PTPRR: variants seen among roughly 807,000 people sequenced by gnomAD.
PTPRR encodes the protein protein tyrosine phosphatase receptor type R.
In PTPRR, 38 loss-of-function variants were observed where a neutral mutation model predicts 77.2. That is an observed-to-expected ratio of 0.49 (90% CI 0.38 to 0.65). The LOEUF is 0.65. Among genes scored for constraint, PTPRR ranks in the 30% least tolerant of loss-of-function variants. The pLI is 0.00. For synonymous variants in PTPRR, 299 were observed against 283.1 expected (o/e 1.06, Z -0.57); for missense variants, 744 against 799.2 (o/e 0.93, Z 0.83).
rs200846851 is a variant in PTPRR, at chr12:70,684,740, A to C, written c.1323T>G (p.Asp441Glu). 1 of 1,607,802 alleles carries C rather than the reference A, an allele frequency of 6.2e-7. No homozygotes were observed. Among genetic ancestry groups the C allele is most frequent in the Non-Finnish European group, 8.5e-7 (1 of 1,175,712 alleles). Residue 441 changes from aspartate (D) to glutamate (E), a missense_variant, in exon 9 of 14, where the codon GAT becomes GAG. This residue lies in a region of PTPRR where 570 missense variants were observed against 573.2 expected (regional missense o/e 0.99). Transcript: ENST00000283228. ...RVCLRPKNVT[D>E]SLSTYINANY... Reference sequence around the variant, plus strand: ...TAGCATTAATGTAGGTGCTCAATGAATCGGTTACATTTTTTGGTCTTAAAC... The same window carrying C: ...TAGCATTAATGTAGGTGCTCAATGACTCGGTTACATTTTTTGGTCTTAAAC...
chr12:70,811,054 G>A (rs565006411), intron 2 of PTPRR, among the ~76,000 whole-genome samples: 18 of 152,156 alleles, frequency 1.2e-4, no homozygotes, highest in East Asian at 1.2e-3. Context: ...AGTGAGGACC[G>A]TAGGATGTAG....
Position 70,799,393 on chromosome 12 carries a change from C to A in PTPRR, c.358-34615G>T, listed in dbSNP as rs144016755. Reference sequence around the variant, plus strand: ...AAATTTTCAATTGAGCTCCCAGAATCGCATGTTTATTTCCTCTAAAATAAA... The same window carrying A: ...AAATTTTCAATTGAGCTCCCAGAATAGCATGTTTATTTCCTCTAAAATAAA... On this transcript the variant is annotated intron_variant, in intron 2 of 13. Coordinates refer to ENST00000283228, the MANE Select transcript of PTPRR (RefSeq NM_002849.4). Among the ~76,000 whole-genome samples, 468 of 152,248 alleles carry A rather than the reference C, an allele frequency of 3.1e-3. 4 individuals carry two copies. The highest frequency in any genetic ancestry group is 0.011 in the African/African-American group (452 of 41,542).
chr12:70,731,621 G>T (rs563349924), intron 6 of PTPRR, among the ~76,000 whole-genome samples: 1 of 152,274 alleles, frequency 6.6e-6, no homozygotes, highest in South Asian at 2.1e-4. Context: ...GGCCACATAG[G>T]GTGGTTGGAT....
intron 6 of PTPRR, among the ~76,000 whole-genome samples, chr12:70,728,302 C>T (rs1889521067): frequency 1.5e-5 from 2 of 134,542 alleles, no homozygotes. Flanking sequence ...TCTGATCTCT[C>T]TCTCTCTCTC....
Position 70,726,011 on chromosome 12 carries a change from A to T in PTPRR, c.1007+19807T>A, listed in dbSNP as rs1889421914. ...CTTATAATGTACACATCATAGATAG[A>T]TGATGATCACAAGTGATATTTTTCA... is the stretch of plus-strand genomic sequence containing the variant. On this transcript the variant is annotated intron_variant, in intron 6 of 13. Transcript: ENST00000283228. Among the ~76,000 whole-genome samples the T allele has an allele frequency of 4.6e-5, 7 of 152,208 alleles. No homozygotes were observed. The South Asian group carries it at 1.5e-3, about 32-fold the overall frequency.
In PTPRR at chr12:70,835,463, A is replaced by C. The variant is rs554261093; in HGVS notation, c.357+57216T>G. ...TTAATAACTGATGGTGACTGAGCAG[A>C]GAGATATGGCCTGAATACCTATTAA... On this transcript the variant is annotated intron_variant, in intron 2 of 13. Transcript: ENST00000283228. Among the ~76,000 whole-genome samples the C allele has an allele frequency of 1.1e-4, 17 of 152,250 alleles. 1 individual carries two copies. The South Asian group carries it at 3.5e-3, about 32-fold the overall frequency.
chr12:70,910,345 G>T (rs1043714817), intron 1 of PTPRR, among the ~76,000 whole-genome samples: 1 of 152,114 alleles, frequency 6.6e-6, no homozygotes, highest in Non-Finnish European at 1.5e-5. Context: ...TGTACTACAT[G>T]AGTTAAGGCA....
chr12:70,775,515 G>C (rs1891068540), intron 2 of PTPRR, among the ~76,000 whole-genome samples: 1 of 152,120 alleles, frequency 6.6e-6, no homozygotes, highest in African/African-American at 2.4e-5. Context: ...AATTATTTTT[G>C]CCTAGCAGGG....
chr12:70,771,305 C>T (rs1366551210), intron 2 of PTPRR, among the ~76,000 whole-genome samples: 1 of 152,080 alleles, frequency 6.6e-6, no homozygotes, highest in Non-Finnish European at 1.5e-5. Context: ...AACAGGAAAC[C>T]ATATACTGCA....
At chr12:70,743,803 G>A (rs755796730) in intron 6 of PTPRR, among the ~76,000 whole-genome samples, 1 of 152,134 alleles carries the variant, frequency 6.6e-6, no homozygotes, top group Admixed American at 6.5e-5. Context: ...ATGAATAAGT[G>A]AATATTTAAC....
chr12:70,718,782 A>G (rs894057230), intron 6 of PTPRR, among the ~76,000 whole-genome samples: 4 of 152,272 alleles, frequency 2.6e-5, no homozygotes, highest in African/African-American at 9.6e-5. Context: ...GGATTCAATT[A>G]TAATGGGGAA....
At chr12:70,832,943 C>G (rs1413312121) in intron 2 of PTPRR, among the ~76,000 whole-genome samples, 1 of 152,074 alleles carries the variant, frequency 6.6e-6, no homozygotes, top group African/African-American at 2.4e-5. Context: ...AGACAACTAA[C>G]ACAAGGTTCC....
chr12:70,650,342 G>A (rs766970520), intron 13 of PTPRR, among the ~76,000 whole-genome samples: 31 of 151,994 alleles, frequency 2.0e-4, no homozygotes, highest in Non-Finnish European at 3.4e-4. Flanking sequence ...CAGGATAATC[G>A]CTTGAACCCA....
Position 70,888,673 on chromosome 12 carries a change from A to G in PTPRR, c.357+4006T>C, listed in dbSNP as rs150560520. On this transcript the variant is annotated intron_variant, in intron 2 of 13. Coordinates refer to ENST00000283228, the MANE Select transcript of PTPRR (RefSeq NM_002849.4). The stretch of plus-strand genomic sequence containing the variant: ...GTATTATATTATTTTGATCCCATAT[A>G]CCCTTAACACATATTAATTCAAAAA... Among the ~76,000 whole-genome samples the G allele has an allele frequency of 3.5e-3, 535 of 152,174 alleles. 5 individuals carry two copies. Among genetic ancestry groups the G allele is most frequent in the African/African-American group, 0.012 (489 of 41,512 alleles).
intron 6 of PTPRR, among the ~76,000 whole-genome samples, chr12:70,720,166 G>A (rs1452139229): frequency 1.3e-5 from 2 of 152,166 alleles, no homozygotes; most frequent in African/African-American, 4.8e-5. Context: ...AAAAATCCTC[G>A]GGTGCCTTAG....
chr12:70,884,404 C>T (rs1351005122), intron 2 of PTPRR, among the ~76,000 whole-genome samples: 1 of 152,042 alleles, frequency 6.6e-6, no homozygotes, highest in Non-Finnish European at 1.5e-5. Flanking sequence ...GAAAAGGGGA[C>T]AAAGTCATTA....
At chr12:70,706,927 C>T (rs372426104) in intron 6 of PTPRR, among the ~76,000 whole-genome samples, 99 of 152,028 alleles carry the variant, frequency 6.5e-4, no homozygotes, top group African/African-American at 2.1e-3. Context: ...ACCCTAATGT[C>T]TGGGATATAA....
intron 2 of PTPRR, among the ~76,000 whole-genome samples, chr12:70,868,953 A>C (rs939889220): frequency 1.4e-5 from 2 of 146,162 alleles, no homozygotes; most frequent in African/African-American, 5.1e-5. Context: ...CAAACACCGC[A>C]TGTTCTCACT....
At chr12:70,768,721 G>A (rs1169078830) in intron 2 of PTPRR, among the ~76,000 whole-genome samples, 4 of 152,100 alleles carry the variant, frequency 2.6e-5, no homozygotes. Context: ...GAGAATTTTA[G>A]ACCAATATCC....
Sources: gnomAD v4.1 joint callset for allele counts (sites outside exome capture counted in the v4.1 genomes callset) on GRCh38, gnomAD v4.1.1 for gene constraint, gnomAD v4.1.1 regional missense constraint, MANE v1.5 for transcripts, NCBI Gene and HGNC (gene_info 2026-07-23, HGNC 2026-07-21) for gene names.